Variants in FILIP1 observed in about 807,000 individuals in gnomAD.
FILIP1 encodes the protein filamin-A-interacting protein 1.
In FILIP1, 61 loss-of-function variants were observed where a neutral mutation model predicts 102.1. The observed-to-expected ratio is 0.60, with a 90% CI of 0.49 to 0.74. The LOEUF (loss-of-function observed/expected upper bound fraction) is 0.74. Among genes scored for constraint, FILIP1 ranks in the 30% least tolerant of loss-of-function variants. FILIP1 has a pLI of 0.00. For synonymous variants in FILIP1, 491 were observed against 526.9 expected (o/e 0.93, Z 0.93); for missense variants, 1,314 against 1,441.2 (o/e 0.91, Z 1.43).
intron 1 of FILIP1, among the ~76,000 whole-genome samples, chr6:75,460,978 T>A (rs1161759101): frequency 1.3e-5 from 2 of 152,212 alleles, no homozygotes; most frequent in Non-Finnish European, 2.9e-5. Context: ...GCTAACATAT[T>A]GGGTACATAA....
At chr6:75,394,342 G>A (rs1334749132) in intron 2 of FILIP1, among the ~76,000 whole-genome samples, 3 of 152,040 alleles carry the variant, frequency 2.0e-5, no homozygotes, top group Non-Finnish European at 2.9e-5. Flanking sequence ...AGTACTAGAA[G>A]AAAATTTGAA....
chr6:75,344,103 C>T (rs1774501207), intron 4 of FILIP1, among the ~76,000 whole-genome samples: 3 of 152,190 alleles, frequency 2.0e-5, no homozygotes, highest in Non-Finnish European at 4.4e-5. Context: ...ATTGTAACCC[C>T]AGCTATGATG....
chr6:75,369,782 C>T (rs564069909), intron 2 of FILIP1, among the ~76,000 whole-genome samples: 2 of 152,132 alleles, frequency 1.3e-5, no homozygotes, highest in African/African-American at 4.8e-5. Context: ...TCAGAATATT[C>T]ATACAATTTT....
Position 75,324,753 on chromosome 6 carries a change from G to A in FILIP1, c.630-9551C>T, listed in dbSNP as rs111925038. Among the ~76,000 whole-genome samples, 722 of 152,276 alleles carry A rather than the reference G, an allele frequency of 4.7e-3. 3 individuals are homozygous for A. The highest frequency in any genetic ancestry group is 7.7e-3 in the South Asian group (37 of 4,828). ...ATAAAAATAAGCATGTAGACCAATGGAACAGAATAGAGAACCTGGAAATAA... is the reference window on the plus strand; with the variant it reads ...ATAAAAATAAGCATGTAGACCAATGAAACAGAATAGAGAACCTGGAAATAA... On this transcript the variant is annotated intron_variant, in intron 4 of 5. Coordinates refer to ENST00000237172, the MANE Select transcript of FILIP1 (RefSeq NM_015687.5).
intron 1 of FILIP1, among the ~76,000 whole-genome samples, chr6:75,444,859 A>C (rs916482214): frequency 6.6e-6 from 1 of 152,238 alleles, no homozygotes; most frequent in African/African-American, 2.4e-5. Flanking sequence ...GACAGGTAAT[A>C]AAATTTCAGA....
intron 4 of FILIP1, among the ~76,000 whole-genome samples, chr6:75,315,506 T>C (rs905935862): frequency 7.9e-5 from 12 of 152,232 alleles, no homozygotes; most frequent in Admixed American, 7.2e-4. Context: ...AGCTGAACAC[T>C]TCCGAGTATC....
intron 2 of FILIP1, among the ~76,000 whole-genome samples, chr6:75,376,953 T>C (rs12202405): frequency 4.6e-5 from 7 of 152,184 alleles, no homozygotes; most frequent in African/African-American, 1.7e-4. Flanking sequence ...AAGATTATAT[T>C]ACAGCAGAAA....
chr6:75,316,329 C>A (rs982490076), intron 4 of FILIP1, among the ~76,000 whole-genome samples: 2 of 152,088 alleles, frequency 1.3e-5, no homozygotes, highest in Non-Finnish European at 2.9e-5. Context: ...TTATAAACAA[C>A]CAATGACATG....
At chr6:75,368,681 G>A (rs1775418616) in intron 2 of FILIP1, among the ~76,000 whole-genome samples, 1 of 152,160 alleles carries the variant, frequency 6.6e-6, no homozygotes, top group Non-Finnish European at 1.5e-5. Context: ...GAGGTAAGGT[G>A]AGAGTACTCT....
chr6:75,432,431 C>T (rs1777854334), intron 1 of FILIP1, among the ~76,000 whole-genome samples: 1 of 152,216 alleles, frequency 6.6e-6, no homozygotes, highest in South Asian at 2.1e-4. Context: ...AGTAACAAAA[C>T]TGTTCCCATT....
intron 1 of FILIP1, among the ~76,000 whole-genome samples, chr6:75,479,377 T>C (rs1779584036): frequency 1.3e-5 from 2 of 152,330 alleles, no homozygotes; most frequent in Non-Finnish European, 2.9e-5. Flanking sequence ...CAGCAACATA[T>C]AGTGTCAACT....
At chr6:75,345,964 T>C (rs1774567482) in intron 4 of FILIP1, among the ~76,000 whole-genome samples, 1 of 152,142 alleles carries the variant, frequency 6.6e-6, no homozygotes, top group Non-Finnish European at 1.5e-5. Context: ...AAAGCCAAAA[T>C]ATATGGAATC....
intron 4 of FILIP1, among the ~76,000 whole-genome samples, chr6:75,326,336 G>T (rs919049403): frequency 3.3e-5 from 5 of 152,110 alleles, no homozygotes; most frequent in African/African-American, 1.2e-4. Flanking sequence ...AATGGACTTT[G>T]GGGACTCAGG....
intron 1 of FILIP1, among the ~76,000 whole-genome samples, chr6:75,478,773 T>C: frequency 6.6e-6 from 1 of 152,044 alleles, no homozygotes; most frequent in East Asian, 1.9e-4. Flanking sequence ...GAGGTTAGAG[T>C]CAATTATCTT....
chr6:75,393,652 T>C (rs942775563), intron 2 of FILIP1, among the ~76,000 whole-genome samples: 1 of 152,160 alleles, frequency 6.6e-6, no homozygotes, highest in South Asian at 2.1e-4. Flanking sequence ...AAAAGTGACA[T>C]TTCATATCAT....
chr6:75,296,475 T>TTTTATTATTA (rs565379089), intron 6 of FILIP1: 2 of 140,396 alleles, frequency 1.4e-5, no homozygotes, highest in African/African-American at 5.3e-5. Flanking sequence ...ACTCTATATG[T>TTTTATTATTA]TTATTATTAT....
intron 4 of FILIP1, among the ~76,000 whole-genome samples, chr6:75,334,094 G>A (rs935881265): frequency 6.6e-6 from 1 of 151,992 alleles, no homozygotes; most frequent in Non-Finnish European, 1.5e-5. Flanking sequence ...ACAAACCTTT[G>A]GGAAGAATAT....
intron 4 of FILIP1, among the ~76,000 whole-genome samples, chr6:75,336,567 G>T (rs1209696484): frequency 6.6e-6 from 1 of 151,986 alleles, no homozygotes; most frequent in Non-Finnish European, 1.5e-5. Flanking sequence ...CAGGCATCTT[G>T]TACTCAGTTT....
chr6:75,311,123 G>A (rs1582317647), intron 5 of FILIP1, among the ~76,000 whole-genome samples: 1 of 152,034 alleles, frequency 6.6e-6, no homozygotes, highest in Non-Finnish European at 1.5e-5. Context: ...TTGCCAATTT[G>A]CCACCAATAA....
Sources: allele counts gnomAD v4.1 joint callset (sites outside exome capture counted in the v4.1 genomes callset), GRCh38; gene constraint gnomAD v4.1.1; transcripts MANE v1.5; gene names NCBI Gene and HGNC (gene_info 2026-07-23, HGNC 2026-07-21).